The following FRAS1 variants were observed in gnomAD, a reference collection of about 807,000 sequenced individuals.
The protein encoded by FRAS1 is extracellular matrix organizing protein FRAS1.
A neutral mutation model predicts 435.2 loss-of-function variants in FRAS1; 290 were observed. That is an observed-to-expected ratio of 0.67 (90% CI 0.61 to 0.73). The LOEUF (loss-of-function observed/expected upper bound fraction) is 0.73. Among genes scored for constraint, FRAS1 ranks in the 30% least tolerant of loss-of-function variants. FRAS1 has a pLI of 0.00. For synonymous variants in FRAS1, 1,800 were observed against 1,851.0 expected (o/e 0.97, Z 0.71); for missense variants, 4,860 against 5,001.5 (o/e 0.97, Z 0.85).
rs554950202 is a variant in FRAS1, at chr4:78,067,143, G to C, written c.108+1127G>C. Among the ~76,000 whole-genome samples, 42 of 152,222 alleles carry C rather than the reference G, an allele frequency of 2.8e-4. No individual in the cohort carries two copies. In the Middle Eastern group the frequency reaches 0.01, roughly 37 times the overall value. ...AAAAGAGAATTATTTATTGTGTAGA[G>C]TACTTCATAACTTTTCCATATATTT... On this transcript the variant is annotated intron_variant, in intron 2 of 73. Transcript: ENST00000512123.
chr4:78,169,447 C>T (rs892971914), intron 2 of FRAS1, among the ~76,000 whole-genome samples: 3 of 152,026 alleles, frequency 2.0e-5, no homozygotes, highest in African/African-American at 7.2e-5. Flanking sequence ...AGTTGCTTAA[C>T]CTCTCAGCTT....
At chr4:78,484,794 A>G (rs758865900) in intron 58 of FRAS1, among the ~76,000 whole-genome samples, 2 of 152,198 alleles carry the variant, frequency 1.3e-5, no homozygotes, top group Non-Finnish European at 2.9e-5. Flanking sequence ...ATCAGAGGAA[A>G]TAGGTCACCC....
chr4:78,118,126 C>T (rs760497040), intron 2 of FRAS1, among the ~76,000 whole-genome samples: 36 of 152,218 alleles, frequency 2.4e-4, no homozygotes, highest in African/African-American at 7.2e-4. Context: ...GTATCAGCAG[C>T]GGAGCCTGCA....
rs754965430 is a variant in FRAS1 at position 78,451,850 on chromosome 4, G to A, written c.6542G>A (p.Gly2181Asp). 6 of 1,613,014 alleles carry A rather than the reference G, an allele frequency of 3.7e-6. No homozygotes were observed. The highest frequency in any genetic ancestry group is 1.1e-5 in the South Asian group (1 of 90,906). ...AAATTTGATGTGGTTGATGGAGAAGGCAACAGATTGATTGACAAGTCATTT... is the reference window on the plus strand; with the variant it reads ...AAATTTGATGTGGTTGATGGAGAAGACAACAGATTGATTGACAAGTCATTT... Reference protein sequence around the residue: ...AFKFDVVDGEGNRLIDKSFSI... With the variant: ...AFKFDVVDGEDNRLIDKSFSI... The change falls in exon 46 of 74, where the codon GGC becomes GAC. Residue 2181 changes from glycine (G) to aspartate (D), a missense_variant. By Grantham distance (94) the Gly-to-Asp change is moderately conservative. Coordinates refer to ENST00000512123, the MANE Select transcript of FRAS1 (RefSeq NM_025074.7).
At chr4:78,472,155 T>A (rs527615862) in intron 51 of FRAS1, 25 bp from the exon 52 acceptor site, 1 of 1,612,264 alleles carries the variant, frequency 6.2e-7, no homozygotes, top group African/African-American at 1.3e-5. Context: ...CCTCAGGAAT[T>A]AAATTAAATG....
At chr4:78,383,052 A>C (rs557449363) in intron 27 of FRAS1, among the ~76,000 whole-genome samples, 78 of 152,320 alleles carry the variant, frequency 5.1e-4, no homozygotes, top group Middle Eastern at 3.4e-3. Context: ...CCCATAATGC[A>C]GTAGTCCTAT....
At chr4:78,380,772 A>G (rs1731982790) in intron 27 of FRAS1, among the ~76,000 whole-genome samples, 1 of 152,190 alleles carries the variant, frequency 6.6e-6, no homozygotes, top group Non-Finnish European at 1.5e-5. Flanking sequence ...CACAGTGAGT[A>G]TTTTTACTGT....
chr4:78,370,337 C>T (rs1461145922), intron 23 of FRAS1, among the ~76,000 whole-genome samples: 1 of 152,152 alleles, frequency 6.6e-6, no homozygotes, highest in Admixed American at 6.5e-5. Flanking sequence ...TTTTAAAAAT[C>T]AGAAGATTTC....
At chr4:78,468,214 G>A (rs566771418) in intron 50 of FRAS1, among the ~76,000 whole-genome samples, 4 of 152,238 alleles carry the variant, frequency 2.6e-5, no homozygotes, top group Admixed American at 2.6e-4. Context: ...GAGGTCTTAG[G>A]TTTAATTCTT....
intron 2 of FRAS1, among the ~76,000 whole-genome samples, chr4:78,144,514 C>G (rs1459456991): frequency 2.0e-5 from 3 of 150,690 alleles, no homozygotes; most frequent in Non-Finnish European, 3.0e-5. Flanking sequence ...TAAAAAGATA[C>G]AAGTACTTTT....
intron 46 of FRAS1, 131 bp from the exon 47 acceptor site, chr4:78,452,044 G>A (rs1719042554): frequency 8.0e-7 from 1 of 1,244,908 alleles, no homozygotes; most frequent in South Asian, 1.4e-5. Context: ...ACGAAGCCCT[G>A]GCTCCTTGGT....
rs1718808286 is a variant in FRAS1 at position 78,445,931 on chromosome 4, A to G, written c.5856+219A>G. On this transcript the variant is annotated intron_variant, in intron 42 of 73. Coordinates refer to ENST00000512123, the MANE Select transcript of FRAS1 (RefSeq NM_025074.7). ...ATCTAAATTTCCATTTCAGGATTGA[A>G]TTTATTTGTTCGGTGTGAAAAACAG... 5 of 1,319,656 alleles carry G rather than the reference A, an allele frequency of 3.8e-6. No homozygotes were observed. The Admixed American group carries it at 1.8e-4, about 47-fold the overall frequency. The allele number at this position is 1,319,656 out of a possible 1,614,324, so 81.7% of individuals were successfully genotyped here.
At chr4:78,364,434 T>C (rs1436971089) in intron 22 of FRAS1, among the ~76,000 whole-genome samples, 1 of 152,244 alleles carries the variant, frequency 6.6e-6, no homozygotes, top group East Asian at 1.9e-4. Context: ...TGCTCTAGTA[T>C]GCAATCAGTG....
At position 78,372,784 on chromosome 4, in the gene FRAS1, G is replaced by A. The variant is rs1009883007; in HGVS notation, c.2936G>A (p.Gly979Asp). Reference protein sequence around the residue: ...LKTDCLQCMDGYVLQDGACVE... With the variant: ...LKTDCLQCMDDYVLQDGACVE... ...ACAGACTGCCTGCAGTGCATGGATG[G>A]CTATGTTCTCCAGGATGGGGCCTGC... Residue 979 changes from glycine (G) to aspartate (D), a missense_variant, in exon 24 of 74, where the codon GGC (glycine) becomes GAC (aspartate). By Grantham distance (94) the Gly-to-Asp change is moderately conservative. Coordinates refer to ENST00000512123, the MANE Select transcript of FRAS1 (RefSeq NM_025074.7). The A allele has an allele frequency of 1.2e-6, 2 of 1,613,092 alleles. No individual in the cohort carries two copies. The highest frequency in any genetic ancestry group is 2.7e-5 in the African/African-American group (2 of 74,896).
intron 16 of FRAS1, among the ~76,000 whole-genome samples, chr4:78,316,026 A>G (rs571476238): frequency 3.9e-5 from 6 of 152,280 alleles, no homozygotes; most frequent in Non-Finnish European, 8.8e-5. Context: ...TTACTTGTAA[A>G]CCATCACTAA....
rs932843171 is a variant in FRAS1, at chr4:78,304,989, G to C, written c.1535-3077G>C. On this transcript the variant is annotated intron_variant, in intron 14 of 73. Coordinates refer to ENST00000512123, the MANE Select transcript of FRAS1 (RefSeq NM_025074.7). ...TTTTGGATCTTTCCTGCTTTCTCTTGTGGGCATTTAGTGCTGTAAATTTCC... is the reference window on the plus strand; with the variant it reads ...TTTTGGATCTTTCCTGCTTTCTCTTCTGGGCATTTAGTGCTGTAAATTTCC... Among the ~76,000 whole-genome samples, 11 of 152,228 alleles carry C rather than the reference G, an allele frequency of 7.2e-5. 2 individuals carry two copies. The highest frequency in any genetic ancestry group is 2.6e-4 in the African/African-American group (11 of 41,524).
chr4:78,410,454 T>TA (rs34923655), intron 31 of FRAS1, among the ~76,000 whole-genome samples: 57,216 of 151,116 alleles, frequency 0.38, 10,828 homozygotes, highest in African/African-American at 0.39. Flanking sequence ...AATAATGATT[T>TA]AAAAAAAACT....
intron 22 of FRAS1, among the ~76,000 whole-genome samples, chr4:78,365,507 A>G (rs1240966953): frequency 6.6e-6 from 1 of 152,196 alleles, no homozygotes; most frequent in Non-Finnish European, 1.5e-5. Flanking sequence ...AATCCATTGT[A>G]TGAAGTATAG....
chr4:78,337,552 T>A, intron 19 of FRAS1, 122 bp from the exon 20 acceptor site: 1 of 1,183,578 alleles, frequency 8.4e-7, no homozygotes, highest in East Asian at 2.4e-5. Flanking sequence ...TGCTCAGGAA[T>A]CTTCTAAAGA....
Sources: gnomAD v4.1 joint callset for allele counts (sites outside exome capture counted in the v4.1 genomes callset) on GRCh38, gnomAD v4.1.1 for gene constraint, MANE v1.5 for transcripts, NCBI Gene and HGNC (gene_info 2026-07-23, HGNC 2026-07-21) for gene names.